AAGAB: variants seen among roughly 807,000 people sequenced by gnomAD.
AAGAB encodes alpha and gamma adaptin binding protein.
A neutral mutation model predicts 44.1 loss-of-function variants in AAGAB; 38 were observed. That is an observed-to-expected ratio of 0.86 (90% CI 0.67 to 1.13). The LOEUF is 1.13. AAGAB is among the 50% of genes most tolerant of loss of function. The pLI is 0.00. For missense variants in AAGAB, 450 were observed against 373.8 expected (o/e 1.20, Z -1.68); for synonymous variants, 131 against 131.8 (o/e 0.99, Z 0.04).
intron 5 of AAGAB, among the ~76,000 whole-genome samples, chr15:67,223,520 T>C (rs1964129806): frequency 6.6e-6 from 1 of 152,154 alleles, no homozygotes; most frequent in South Asian, 2.1e-4. Context: ...TACCTCACAA[T>C]ATACCTAGAA....
chr15:67,250,667 A>G (rs909090200), intron 1 of AAGAB, among the ~76,000 whole-genome samples: 1 of 152,194 alleles, frequency 6.6e-6, no homozygotes, highest in South Asian at 2.1e-4. Context: ...CATGGAGTAG[A>G]TATTTGCTCT....
At chr15:67,222,258 A>G (rs1033814208) in intron 5 of AAGAB, among the ~76,000 whole-genome samples, 41 of 149,426 alleles carry the variant, frequency 2.7e-4, no homozygotes, top group African/African-American at 7.1e-4. Flanking sequence ...ACACACACAC[A>G]CACACACACA....
In AAGAB at chr15:67,240,535, T is replaced by C. The variant is rs150656760; in HGVS notation, c.74-3715A>G. Among the ~76,000 whole-genome samples, 287 of 152,340 alleles carry C rather than the reference T, an allele frequency of 1.9e-3. 1 individual carries two copies. Among genetic ancestry groups the C allele is most frequent in the Admixed American group, 5.2e-3 (80 of 15,306 alleles). ...ACAAACTCCATTTCACAGCTTACAA[T>C]AGTTAATTTGTAGTGCTTTTACAAA... On this transcript the variant is annotated intron_variant, in intron 1 of 9. Coordinates refer to ENST00000261880, the MANE Select transcript of AAGAB (RefSeq NM_024666.5).
At chr15:67,227,061 C>G (rs1323568636) in intron 5 of AAGAB, 1 of 160,458 alleles carries the variant, frequency 6.2e-6, no homozygotes, top group Admixed American at 6.5e-5. Context: ...TCAAATTGAG[C>G]ATATTTAAAT....
chr15:67,210,220 T>A (rs1464489957), intron 5 of AAGAB, among the ~76,000 whole-genome samples: 1 of 152,146 alleles, frequency 6.6e-6, no homozygotes, highest in Admixed American at 6.5e-5. Flanking sequence ...GAATGCTTTT[T>A]GAAAAAAGTT....
At chr15:67,208,882 T>C (rs1244898176) in intron 6 of AAGAB, among the ~76,000 whole-genome samples, 1 of 152,264 alleles carries the variant, frequency 6.6e-6, no homozygotes, top group Non-Finnish European at 1.5e-5. Flanking sequence ...TTGATTTTGC[T>C]TTAGACTACT....
At chr15:67,246,317 G>A (rs539805758) in intron 1 of AAGAB, among the ~76,000 whole-genome samples, 189 of 151,756 alleles carry the variant, frequency 1.2e-3, no homozygotes, top group African/African-American at 4.0e-3. Flanking sequence ...ACTTGAGCCC[G>A]GGAGGCGAAG....
intron 5 of AAGAB, among the ~76,000 whole-genome samples, chr15:67,225,473 T>C (rs1893735788): frequency 6.6e-6 from 1 of 152,206 alleles, no homozygotes; most frequent in African/African-American, 2.4e-5. Context: ...TTTAGTATAT[T>C]CACAAAGTTG....
At chr15:67,223,639 C>T (rs1434560792) in intron 5 of AAGAB, among the ~76,000 whole-genome samples, 1 of 152,086 alleles carries the variant, frequency 6.6e-6, no homozygotes, top group Admixed American at 6.5e-5. Flanking sequence ...TGCTCTTCAC[C>T]CTCATCATCT....
intron 1 of AAGAB, among the ~76,000 whole-genome samples, chr15:67,249,582 AT>A (rs376605158): frequency 3.3e-5 from 5 of 152,078 alleles, no homozygotes; most frequent in Admixed American, 6.6e-5. Flanking sequence ...GATGGCAACA[AT>A]TTTTTTCCCC....
chr15:67,244,115 A>T (rs1964666342), intron 1 of AAGAB, among the ~76,000 whole-genome samples: 1 of 152,248 alleles, frequency 6.6e-6, no homozygotes, highest in Non-Finnish European at 1.5e-5. Context: ...CTCTAAAAAA[A>T]GACAAACATG....
rs372896757 is a variant in AAGAB, at chr15:67,222,230, ACGCGCG to A, written c.535+9578_535+9583del. On this transcript the variant is annotated intron_variant, in intron 5 of 9. Coordinates refer to ENST00000261880, the MANE Select transcript of AAGAB (RefSeq NM_024666.5). ...CTGATTACTACATGCATGCACGCGC[ACGCGCG>A]CGCGCGCACACACACACACACACAC... 1.1e-3 allele frequency among the ~76,000 whole-genome samples: 149 copies of A among 133,848 alleles called. 1 individual carries two copies. Among genetic ancestry groups the A allele is most frequent in the Admixed American group, 5.3e-3 (73 of 13,782 alleles). 87.8% of individuals were successfully genotyped at this position (133,848 alleles called of 152,430 possible).
chr15:67,254,764 G>A, upstream of AAGAB: 11 of 1,320,214 alleles, frequency 8.3e-6, no homozygotes, highest in Non-Finnish European at 1.2e-5. Flanking sequence ...CCCGCCCCTA[G>A]ACCCCCTTCC....
intron 1 of AAGAB, among the ~76,000 whole-genome samples, chr15:67,243,499 C>A (rs984255770): frequency 1.8e-4 from 28 of 152,108 alleles, no homozygotes; most frequent in Non-Finnish European, 1.8e-4. Flanking sequence ...AGGTCAACAC[C>A]TTTAGACATT....
At chr15:67,231,750 C>T in intron 5 of AAGAB, 64 bp downstream of exon 5, 1 of 1,299,806 alleles carries the variant, frequency 7.7e-7, no homozygotes, top group Non-Finnish European at 1.1e-6. Flanking sequence ...CCACATATAT[C>T]TCAATAATTT....
chr15:67,225,321 T>C (rs1964177883), intron 5 of AAGAB, among the ~76,000 whole-genome samples: 1 of 152,228 alleles, frequency 6.6e-6, no homozygotes, highest in Non-Finnish European at 1.5e-5. Flanking sequence ...CTTCTCCCTT[T>C]TCTATCATCA....
chr15:67,203,824 A>G (rs1449775684), intron 8 of AAGAB, among the ~76,000 whole-genome samples: 2 of 152,244 alleles, frequency 1.3e-5, no homozygotes, highest in East Asian at 3.8e-4. Flanking sequence ...TGAAAGAAAC[A>G]AGGCAAAAGC....
At chr15:67,248,230 A>G (rs1478179923) in intron 1 of AAGAB, among the ~76,000 whole-genome samples, 1 of 152,210 alleles carries the variant, frequency 6.6e-6, no homozygotes, top group Non-Finnish European at 1.5e-5. Context: ...AAATATATTA[A>G]GTATCATAGC....
chr15:67,206,213 TTTC>T (rs1253199383), intron 7 of AAGAB, among the ~76,000 whole-genome samples: 4 of 152,224 alleles, frequency 2.6e-5, no homozygotes, highest in African/African-American at 4.8e-5. Flanking sequence ...GTCAGATTGT[TTTC>T]TTATTATTAG....
Sources: allele counts gnomAD v4.1 joint callset (sites outside exome capture counted in the v4.1 genomes callset), GRCh38; gene constraint gnomAD v4.1.1; transcripts MANE v1.5; gene names NCBI Gene and HGNC (gene_info 2026-07-23, HGNC 2026-07-21).